SOX6: variants seen among roughly 807,000 people sequenced by gnomAD.
SOX6 encodes transcription factor SOX-6.
A neutral mutation model predicts 97.8 loss-of-function variants in SOX6; 11 were observed. The ratio of observed to expected loss-of-function variants is 0.11; its 90% confidence interval spans 0.07 to 0.19. The LOEUF is 0.19. Among genes scored for constraint, SOX6 ranks in the 10% least tolerant of loss-of-function variants. The probability of loss-of-function intolerance (pLI) is 1.00; values close to 1 mark genes in which losing one functional copy is unlikely to be tolerated. For synonymous variants in SOX6, 360 were observed against 371.4 expected (o/e 0.97, Z 0.35); for missense variants, 810 against 1,039.5 (o/e 0.78, Z 3.04).
chr11:16,393,702 A>G (rs1858257084), intron 1 of SOX6, among the ~76,000 whole-genome samples: 1 of 152,066 alleles, frequency 6.6e-6, no homozygotes, highest in African/African-American at 2.4e-5. Flanking sequence ...TTCATCCAAT[A>G]AACCTTAACC....
chr11:16,235,802 C>G (rs1335810691), intron 3 of SOX6, among the ~76,000 whole-genome samples: 6 of 152,046 alleles, frequency 3.9e-5, no homozygotes, highest in Non-Finnish European at 8.8e-5. Context: ...ATCTAAAGGG[C>G]TTTAGAAGCT....
intron 12 of SOX6, among the ~76,000 whole-genome samples, chr11:16,039,668 A>G (rs1855606208): frequency 6.6e-6 from 1 of 152,116 alleles, no homozygotes; most frequent in African/African-American, 2.4e-5. Context: ...GAGATTCATG[A>G]AAATGTAAAG....
intron 3 of SOX6, among the ~76,000 whole-genome samples, chr11:16,662,028 G>C (rs1486244689): frequency 6.6e-6 from 1 of 152,088 alleles, no homozygotes; most frequent in Non-Finnish European, 1.5e-5. Context: ...TACGTTAAAT[G>C]AATAGTTATC....
chr11:16,398,885 A>T lies in SOX6; in HGVS notation c.-4-57633T>A, dbSNP rs184014535. ...ACTGGAATGACTAGTAGACCAAGTA[A>T]AATAATATTTTTTTTAAATTGAAAT... is the stretch of plus-strand genomic sequence containing the variant. On this transcript the variant is annotated intron_variant, in intron 1 of 15. Coordinates refer to the SOX6 transcript ENST00000396356. 5.8e-4 allele frequency among the ~76,000 whole-genome samples: 87 copies of T among 151,248 alleles called. 1 individual carries two copies. In the East Asian group the frequency reaches 0.016, roughly 28 times the overall value.
At chr11:16,624,444 G>T (rs1848594842) in intron 3 of SOX6, among the ~76,000 whole-genome samples, 1 of 152,054 alleles carries the variant, frequency 6.6e-6, no homozygotes, top group South Asian at 2.1e-4. Flanking sequence ...CCAAAGTGCT[G>T]GGATTACAGG....
At chr11:16,404,944 G>C (rs980672730) in intron 1 of SOX6, among the ~76,000 whole-genome samples, 1 of 151,876 alleles carries the variant, frequency 6.6e-6, no homozygotes, top group African/African-American at 2.4e-5. Flanking sequence ...TCACAGCTTT[G>C]TGCGTGATAT....
At chr11:16,590,342 C>CT in intron 4 of SOX6, among the ~76,000 whole-genome samples, 1 of 152,258 alleles carries the variant, frequency 6.6e-6, no homozygotes, top group East Asian at 1.9e-4. Context: ...CAACAAGTTC[C>CT]TTTTTTAAGA....
At chr11:16,559,705 A>T (rs533649433) in intron 4 of SOX6, among the ~76,000 whole-genome samples, 1 of 152,152 alleles carries the variant, frequency 6.6e-6, no homozygotes, top group Non-Finnish European at 1.5e-5. Flanking sequence ...CCTTTAAAAT[A>T]AAGAAATGAC....
At chr11:16,441,651 T>C (rs1859504963) in intron 1 of SOX6, among the ~76,000 whole-genome samples, 1 of 152,144 alleles carries the variant, frequency 6.6e-6, no homozygotes, top group African/African-American at 2.4e-5. Flanking sequence ...TATTCGAAAA[T>C]TGTAAACAGT....
intron 1 of SOX6, among the ~76,000 whole-genome samples, chr11:16,411,719 A>G (rs1858823723): frequency 6.6e-6 from 1 of 152,178 alleles, no homozygotes; most frequent in Non-Finnish European, 1.5e-5. Context: ...TTTAACAGTG[A>G]CTTACCAAAG....
intron 3 of SOX6, among the ~76,000 whole-genome samples, chr11:16,703,479 T>G (rs1466038294): frequency 1.3e-5 from 2 of 152,212 alleles, no homozygotes; most frequent in African/African-American, 4.8e-5. Context: ...AAATTTTTTT[T>G]AAATACAAAG....
intron 4 of SOX6, among the ~76,000 whole-genome samples, chr11:16,492,992 A>G (rs1390935737): frequency 6.6e-6 from 1 of 152,208 alleles, no homozygotes; most frequent in Non-Finnish European, 1.5e-5. Flanking sequence ...ATATGACAAC[A>G]GGAACTCTCA....
intron 13 of SOX6, among the ~76,000 whole-genome samples, chr11:16,010,814 A>G (rs1164178069): frequency 2.0e-5 from 3 of 151,916 alleles, no homozygotes; most frequent in Admixed American, 2.0e-4. Flanking sequence ...TACAACCTCT[A>G]AGCCATTACT....
intron 1 of SOX6, chr11:16,465,931 T>C (rs1860021861): frequency 6.6e-6 from 1 of 152,216 alleles, no homozygotes; most frequent in Non-Finnish European, 1.5e-5. Context: ...AGAGACCATC[T>C]CTTCTTCTTT....
chr11:16,361,539 T>C (rs761426840), upstream of SOX6, among the ~76,000 whole-genome samples: 7 of 152,164 alleles, frequency 4.6e-5, no homozygotes, highest in Non-Finnish European at 8.8e-5. Context: ...TTGCATAATT[T>C]TCTGTGATTT....
At chr11:16,089,043 C>T (rs533293807) in intron 9 of SOX6, among the ~76,000 whole-genome samples, 2 of 152,174 alleles carry the variant, frequency 1.3e-5, no homozygotes, top group Non-Finnish European at 2.9e-5. Context: ...CTGTTGGTTA[C>T]AGGTATGGTA....
chr11:16,440,219 A>G (rs1200587440), intron 1 of SOX6, among the ~76,000 whole-genome samples: 4 of 152,200 alleles, frequency 2.6e-5, no homozygotes, highest in Non-Finnish European at 5.9e-5. Flanking sequence ...CCATTTGCCT[A>G]TAACACTTCA....
intron 4 of SOX6, among the ~76,000 whole-genome samples, chr11:16,556,715 C>T (rs1228793239): frequency 1.3e-5 from 2 of 151,712 alleles, no homozygotes; most frequent in Non-Finnish European, 3.0e-5. Flanking sequence ...ATTCAAATTG[C>T]TGCTAATATT....
In SOX6 at chr11:16,453,705, A is replaced by T. The variant is rs532504641; in HGVS notation, c.-5+22610T>A. On this transcript the variant is annotated intron_variant, in intron 1 of 15. Coordinates refer to the SOX6 transcript ENST00000396356. ...CTAAAAATATTGGTAAAGATCTAAA[A>T]ATGACAAACAGTGCCTTTTAAATTA... 5.3e-5 allele frequency among the ~76,000 whole-genome samples: 8 copies of T among 152,232 alleles called. No homozygotes were observed. The South Asian group carries it at 1.7e-3, about 32-fold the overall frequency.
Sources: allele counts gnomAD v4.1 joint callset (sites outside exome capture counted in the v4.1 genomes callset), GRCh38; gene constraint gnomAD v4.1.1; transcripts MANE v1.5; gene names NCBI Gene and HGNC (gene_info 2026-07-23, HGNC 2026-07-21).